The following CREBBP variants were observed in gnomAD, a reference collection of about 807,000 sequenced individuals.
CREBBP encodes the protein CREB-binding protein.
In CREBBP, 19 loss-of-function variants were observed where a neutral mutation model predicts 265.0. That is an observed-to-expected ratio of 0.07 (90% CI 0.05 to 0.11). The LOEUF (loss-of-function observed/expected upper bound fraction) is 0.11, where lower values mean the gene tolerates loss of function less well. Among genes scored for constraint, CREBBP ranks in the 10% least tolerant of loss-of-function variants. The pLI, the probability that CREBBP is intolerant of heterozygous loss-of-function variation, is 1.00. For missense variants in CREBBP, 2,525 were observed against 3,219.0 expected (o/e 0.78, Z 5.22); for synonymous variants, 1,457 against 1,223.7 (o/e 1.19, Z -3.98).
In CREBBP at chr16:3,731,140, C is replaced by G. The variant is rs2051903194; in HGVS notation, c.5172+52G>C. On this transcript the variant is annotated intron_variant, in intron 30 of 30. Coordinates refer to ENST00000262367, the MANE Select transcript of CREBBP (RefSeq NM_004380.3). This position sits in a 1 kb window ranked among gnomAD's most constrained non-coding sequence, Gnocchi z 7.7. ...GGCACCCATGCAAAGGGACAGGATGCTTCGTCAGACCCCAGGCCGGCTGTG... is the reference window on the plus strand; with the variant it reads ...GGCACCCATGCAAAGGGACAGGATGGTTCGTCAGACCCCAGGCCGGCTGTG... 6.3e-7 allele frequency: 1 copy of G among 1,585,178 alleles called. No individual in the cohort carries two copies. The highest frequency in any genetic ancestry group is 8.6e-7 in the Non-Finnish European group (1 of 1,164,670).
intron 24 of CREBBP, among the ~76,000 whole-genome samples, chr16:3,740,064 G>GT (rs1409343108): frequency 2.0e-5 from 3 of 152,130 alleles, no homozygotes; most frequent in Admixed American, 6.5e-5. Context: ...ACCTCTATGC[G>GT]TTTTTTCTTA....
At chr16:3,826,636 C>G (rs1390403931) in intron 2 of CREBBP, among the ~76,000 whole-genome samples, 2 of 152,084 alleles carry the variant, frequency 1.3e-5, no homozygotes, top group Non-Finnish European at 2.9e-5. Flanking sequence ...CAAATCTGTA[C>G]AGAGGGGCAT....
At position 3,731,531 on chromosome 16, in the gene CREBBP, G is replaced by A. The variant is rs1050183597; in HGVS notation, c.4891-58C>T. ...AGGGACATGGCACCTCCAGTGGTGA[G>A]CTCAGGGCAGGCGCAGCCACCCAGC... On this transcript the variant is annotated intron_variant, in intron 29 of 30. Coordinates refer to ENST00000262367, the MANE Select transcript of CREBBP (RefSeq NM_004380.3). This position sits in a 1 kb window ranked among gnomAD's most constrained non-coding sequence, Gnocchi z 7.7. 77 of 1,548,610 alleles carry A rather than the reference G, an allele frequency of 5.0e-5. No homozygotes were observed. Among genetic ancestry groups the A allele is most frequent in the Non-Finnish European group, 6.5e-5 (75 of 1,149,266 alleles).
intron 1 of CREBBP, among the ~76,000 whole-genome samples, chr16:3,862,066 A>G (rs1448592148): frequency 1.3e-5 from 2 of 152,206 alleles, no homozygotes; most frequent in Non-Finnish European, 2.9e-5. Flanking sequence ...TTGAGATAGA[A>G]TAGAAGTCGG....
At chr16:3,872,427 G>A (rs926900181) in intron 1 of CREBBP, among the ~76,000 whole-genome samples, 9 of 152,116 alleles carry the variant, frequency 5.9e-5, no homozygotes, top group Admixed American at 1.3e-4. Context: ...GCAGAGCACG[G>A]CCCCAGGGAA....
Position 3,851,156 on chromosome 16 carries a change from C to G in CREBBP, c.86-147G>C, listed in dbSNP as rs948028300. ...TCATGTCATTAGCTGGGTGTGGTAGCGCATGCCTGTAATCCCAGCTACTCG... is the reference window on the plus strand; with the variant it reads ...TCATGTCATTAGCTGGGTGTGGTAGGGCATGCCTGTAATCCCAGCTACTCG... On this transcript the variant is annotated intron_variant, in intron 1 of 30. Transcript: ENST00000262367. The G allele has an allele frequency of 4.1e-6, 3 of 726,368 alleles. No individual in the cohort carries two copies. In the Admixed American group the frequency reaches 6.3e-5, roughly 15 times the overall value. 45.0% of individuals were successfully genotyped at this position (726,368 alleles called of 1,614,324 possible).
At chr16:3,769,425 G>A (rs2052944978) in intron 14 of CREBBP, 72 bp from the exon 15 acceptor site, 3 of 1,558,688 alleles carry the variant, frequency 1.9e-6, no homozygotes, top group South Asian at 2.2e-5. Flanking sequence ...TGCTGCTCAT[G>A]CAACCTACAA....
At chr16:3,820,280 G>A (rs2054116521) in intron 2 of CREBBP, among the ~76,000 whole-genome samples, 3 of 152,188 alleles carry the variant, frequency 2.0e-5, no homozygotes, top group Admixed American at 2.0e-4. Flanking sequence ...GCTTGCTCTT[G>A]GAATCCTTCC....
intron 2 of CREBBP, among the ~76,000 whole-genome samples, chr16:3,849,479 G>C (rs913107747): frequency 8.3e-6 from 1 of 121,016 alleles, no homozygotes; most frequent in African/African-American, 3.0e-5. Flanking sequence ...GTGTGTGTGT[G>C]TGTGTGTGTG....
chr16:3,739,470 T>A, intron 25 of CREBBP, 108 bp downstream of exon 25: 2 of 1,328,526 alleles, frequency 1.5e-6, no homozygotes, highest in Non-Finnish European at 2.1e-6. Flanking sequence ...TTTCATTTAC[T>A]TTAATCCCCT....
chr16:3,765,320 A>G (rs1310777961), intron 16 of CREBBP, among the ~76,000 whole-genome samples: 1 of 152,180 alleles, frequency 6.6e-6, no homozygotes, highest in South Asian at 2.1e-4. Flanking sequence ...CATTCTGCCT[A>G]TCTCCTCACA....
intron 28 of CREBBP, among the ~76,000 whole-genome samples, chr16:3,733,267 CAGG>C (rs2051964337): frequency 6.7e-6 from 1 of 150,224 alleles, no homozygotes; most frequent in African/African-American, 2.5e-5. Context: ...GAGGCTGAGG[CAGG>C]AGAATGGTGT....
intron 15 of CREBBP, among the ~76,000 whole-genome samples, chr16:3,768,232 C>T (rs550563325): frequency 4.6e-4 from 66 of 145,046 alleles, no homozygotes; most frequent in Non-Finnish European, 8.1e-4. Flanking sequence ...TGCAACCTCC[C>T]CCTCCTGGGT....
chr16:3,851,851 A>C (rs1420582868), intron 1 of CREBBP, among the ~76,000 whole-genome samples: 1 of 101,956 alleles, frequency 9.8e-6, no homozygotes, highest in South Asian at 3.4e-4. Context: ...ACAGAGCGAG[A>C]CTCCGTCTCA....
intron 2 of CREBBP, among the ~76,000 whole-genome samples, chr16:3,839,806 AAAAG>A (rs201316456): frequency 0.01 from 1,532 of 151,642 alleles, 28 homozygotes; most frequent in African/African-American, 0.034. Flanking sequence ...AAAGGAATGG[AAAAG>A]AAAGAAAGGA....
intron 20 of CREBBP, among the ~76,000 whole-genome samples, chr16:3,751,483 T>C (rs1479102399): frequency 6.6e-6 from 1 of 152,088 alleles, no homozygotes; most frequent in Non-Finnish European, 1.5e-5. Flanking sequence ...TCCCAGCTAC[T>C]TGAGAGGCTG....
chr16:3,755,319 C>T (rs1330049910), intron 19 of CREBBP, among the ~76,000 whole-genome samples: 1 of 152,164 alleles, frequency 6.6e-6, no homozygotes, highest in Non-Finnish European at 1.5e-5. Context: ...CCAACGGACC[C>T]AGGAACAGGC....
At chr16:3,876,329 C>G (rs1209163397) in intron 1 of CREBBP, among the ~76,000 whole-genome samples, 1 of 147,728 alleles carries the variant, frequency 6.8e-6, no homozygotes, top group African/African-American at 2.5e-5. Context: ...CATGAGCCAC[C>G]ACCCTGGCCT....
chr16:3,823,332 G>A (rs2054176051), intron 2 of CREBBP, among the ~76,000 whole-genome samples: 1 of 152,174 alleles, frequency 6.6e-6, no homozygotes, highest in Admixed American at 6.5e-5. Context: ...ATTAAACACT[G>A]AATAAAACTA....
Sources: gnomAD v4.1 joint callset for allele counts (sites outside exome capture counted in the v4.1 genomes callset) on GRCh38, gnomAD v4.1.1 for gene constraint, Gnocchi (gnomAD v3.1) non-coding constraint, MANE v1.5 for transcripts, NCBI Gene and HGNC (gene_info 2026-07-23, HGNC 2026-07-21) for gene names.